DTNB: variants seen among roughly 807,000 people sequenced by gnomAD.
The protein encoded by DTNB is DTN-B.
A neutral mutation model predicts 90.7 loss-of-function variants in DTNB; 63 were observed. The observed-to-expected ratio is 0.69, with a 90% CI of 0.57 to 0.86. The LOEUF is 0.86. Among genes scored for constraint, DTNB ranks in the 40% least tolerant of loss-of-function variants. The pLI is 0.00. For missense variants in DTNB, 744 were observed against 807.1 expected (o/e 0.92, Z 0.95); for synonymous variants, 277 against 286.7 (o/e 0.97, Z 0.34).
chr2:25,644,798 T>C (rs1573955608), intron 2 of DTNB, among the ~76,000 whole-genome samples: 1 of 152,202 alleles, frequency 6.6e-6, no homozygotes, highest in Non-Finnish European at 1.5e-5. Flanking sequence ...TTTCAACAGA[T>C]TATTAGTTCA....
At chr2:25,449,491 T>G (rs2058946127) in intron 12 of DTNB, among the ~76,000 whole-genome samples, 1 of 152,218 alleles carries the variant, frequency 6.6e-6, no homozygotes, top group African/African-American at 2.4e-5. Flanking sequence ...CAACATTTGG[T>G]ATCATCCAAC....
intron 6 of DTNB, among the ~76,000 whole-genome samples, chr2:25,595,803 T>C (rs547461894): frequency 4.6e-5 from 7 of 152,292 alleles, no homozygotes; most frequent in Admixed American, 3.9e-4. Context: ...AAGTAATATA[T>C]GTCCTGTAGC....
intron 7 of DTNB, among the ~76,000 whole-genome samples, chr2:25,577,714 A>T (rs142352968): frequency 5.6e-4 from 86 of 152,284 alleles, no homozygotes; most frequent in African/African-American, 2.0e-3. Context: ...AATAGAAAAG[A>T]GGGATAGGCC....
Position 25,576,928 on chromosome 2 carries a change from G to A in DTNB, c.786C>T (p.His262=). The A allele has an allele frequency of 6.2e-7, 1 of 1,613,086 alleles. No homozygotes were observed. The highest frequency in any genetic ancestry group is 1.7e-5 in the Admixed American group (1 of 59,870). Reference sequence around the variant, plus strand: ...AGCAATTCTGGCAGAGCTGATAGTTGTGGCACTGCTGGCATCGGTACCGGA... The same window carrying A: ...AGCAATTCTGGCAGAGCTGATAGTTATGGCACTGCTGGCATCGGTACCGGA... ...MGFRYRCQQC[H]NYQLCQNCFW... The change falls in exon 8 of 21, where the codon CAC becomes CAT. Residue 262 remains histidine, a synonymous_variant. Coordinates refer to ENST00000406818, the MANE Select transcript of DTNB (RefSeq NM_021907.5).
chr2:25,507,752 C>T (rs919635262), intron 9 of DTNB, among the ~76,000 whole-genome samples: 3 of 152,188 alleles, frequency 2.0e-5, no homozygotes, highest in African/African-American at 7.2e-5. Context: ...GCAATCCAAA[C>T]ACATCCTCTT....
In DTNB at chr2:25,652,102, G is replaced by A. The variant is rs80193662; in HGVS notation, c.67+492C>T. ...CCATCTTCTTCTCTCTGTTTGAACT[G>A]TATACAACAATGTAAATTTTAACAG... On this transcript the variant is annotated intron_variant, in intron 2 of 20. Transcript: ENST00000406818. 8.5e-3 allele frequency among the ~76,000 whole-genome samples: 1,298 copies of A among 152,198 alleles called. 5 individuals are homozygous for A. Among genetic ancestry groups the A allele is most frequent in the Admixed American group, 0.013 (204 of 15,296 alleles).
chr2:25,422,395 C>CTTTTTTTTT (rs146697158), intron 15 of DTNB, among the ~76,000 whole-genome samples: 10 of 82,946 alleles, frequency 1.2e-4, no homozygotes, highest in Non-Finnish European at 1.8e-4. Flanking sequence ...CTTTTCTCTT[C>CTTTTTTTTT]TTTTTTTTTT....
intron 9 of DTNB, among the ~76,000 whole-genome samples, chr2:25,520,370 TCAAA>T (rs994675645): frequency 1.6e-4 from 25 of 152,258 alleles, no homozygotes; most frequent in African/African-American, 5.1e-4. Flanking sequence ...AGACTCCGTC[TCAAA>T]CAAACAAACA....
chr2:25,438,819 A>G (rs1055570875), intron 12 of DTNB, among the ~76,000 whole-genome samples: 2 of 152,222 alleles, frequency 1.3e-5, no homozygotes, highest in Non-Finnish European at 2.9e-5. Flanking sequence ...GTCAGCATCA[A>G]CAGTGACAAC....
At chr2:25,648,513 T>C (rs1011915555) in intron 2 of DTNB, among the ~76,000 whole-genome samples, 4 of 152,136 alleles carry the variant, frequency 2.6e-5, no homozygotes, top group Non-Finnish European at 5.9e-5. Context: ...ATGTACCCCC[T>C]GAATCTAAAA....
intron 9 of DTNB, among the ~76,000 whole-genome samples, chr2:25,508,383 G>A (rs774682334): frequency 6.6e-5 from 10 of 151,958 alleles, no homozygotes; most frequent in Middle Eastern, 3.2e-3. Flanking sequence ...TAAAGGAAAG[G>A]GCTGTTAAAT....
chr2:25,567,309 G>T (rs2059190983), intron 8 of DTNB, among the ~76,000 whole-genome samples: 1 of 152,126 alleles, frequency 6.6e-6, no homozygotes, highest in Non-Finnish European at 1.5e-5. Flanking sequence ...GATGTGAGGA[G>T]AGGGACACCA....
intron 10 of DTNB, chr2:25,481,945 T>C (rs986791504): frequency 6.6e-6 from 1 of 152,228 alleles, no homozygotes; most frequent in Non-Finnish European, 1.5e-5. Flanking sequence ...CTATGTATTA[T>C]ATAGTCAAAA....
intron 8 of DTNB, among the ~76,000 whole-genome samples, chr2:25,534,079 T>C (rs990881273): frequency 1.3e-5 from 2 of 151,952 alleles, no homozygotes; most frequent in Non-Finnish European, 2.9e-5. Flanking sequence ...AGGATAATAG[T>C]GGAGAGGTCA....
chr2:25,631,784 A>G (rs533752857), intron 3 of DTNB, among the ~76,000 whole-genome samples: 37 of 152,220 alleles, frequency 2.4e-4, no homozygotes, highest in African/African-American at 5.3e-4. Flanking sequence ...GTACAGATAC[A>G]GACAATTAAA....
intron 4 of DTNB, among the ~76,000 whole-genome samples, chr2:25,627,444 T>G (rs187960005): frequency 6.6e-6 from 1 of 151,792 alleles, no homozygotes; most frequent in Non-Finnish European, 1.5e-5. Context: ...TCAGTTACTA[T>G]AGTCCAATAT....
rs149517706 is a variant in DTNB, at chr2:25,645,779, T to C, written c.68-6685A>G. ...AATACTAAAAATGGTATAAATTTCA[T>C]TAAGGGGGTACCCTAAAATATTCCA... On this transcript the variant is annotated intron_variant, in intron 2 of 20. Transcript: ENST00000406818. Among the ~76,000 whole-genome samples, 244 of 152,278 alleles carry C rather than the reference T, an allele frequency of 1.6e-3. 4 individuals are homozygous for C. Among genetic ancestry groups the C allele is most frequent in the Non-Finnish European group, 2.9e-3 (195 of 68,024 alleles).
At chr2:25,545,733 T>C (rs2082279109) in intron 8 of DTNB, among the ~76,000 whole-genome samples, 1 of 152,210 alleles carries the variant, frequency 6.6e-6, no homozygotes, top group Non-Finnish European at 1.5e-5. Context: ...GCAATTCTCC[T>C]GCCTCAGCCT....
intron 12 of DTNB, among the ~76,000 whole-genome samples, chr2:25,439,851 A>C (rs557025810): frequency 1.3e-5 from 2 of 152,362 alleles, no homozygotes; most frequent in Non-Finnish European, 2.9e-5. Context: ...AACTCAAAAT[A>C]AAATTGTATC....
Sources: gnomAD v4.1 joint callset for allele counts (sites outside exome capture counted in the v4.1 genomes callset) on GRCh38, gnomAD v4.1.1 for gene constraint, MANE v1.5 for transcripts, NCBI Gene and HGNC (gene_info 2026-07-23, HGNC 2026-07-21) for gene names.